Variants in ZNF562 observed in about 807,000 individuals in gnomAD.
The protein encoded by ZNF562 is zinc finger protein 562.
Under a neutral mutation model 17.5 loss-of-function variants are expected in ZNF562, and 13 were observed. The observed-to-expected ratio is 0.74, with a 90% CI of 0.48 to 1.18. The LOEUF (loss-of-function observed/expected upper bound fraction) is 1.18. ZNF562 is among the 50% of genes most tolerant of loss of function. The probability of loss-of-function intolerance (pLI) is 0.00; values close to 1 mark genes in which losing one functional copy is unlikely to be tolerated. For missense variants in ZNF562, 481 were observed against 498.5 expected, an observed-to-expected ratio of 0.96 and a Z score of 0.33; for synonymous variants, 163 against 165.4, an observed-to-expected ratio of 0.99 and a Z score of 0.11.
At chr19:9,670,982 G>A (rs1442391248) in intron 1 of ZNF562, among the ~76,000 whole-genome samples, 8 of 149,322 alleles carry the variant, frequency 5.4e-5, no homozygotes, top group South Asian at 4.3e-4. Context: ...CCTGGGTGAC[G>A]GTGAGACTCC....
chr19:9,666,377 T>C (rs1277285972), intron 1 of ZNF562, among the ~76,000 whole-genome samples: 1 of 151,040 alleles, frequency 6.6e-6, no homozygotes, highest in Non-Finnish European at 1.5e-5. Flanking sequence ...TTTTGGTATG[T>C]TGACAAACCA....
intron 2 of ZNF562, among the ~76,000 whole-genome samples, chr19:9,659,954 A>C (rs1181069459): frequency 1.1e-4 from 13 of 122,966 alleles, no homozygotes; most frequent in Admixed American, 1.7e-4. Flanking sequence ...AAAAAAAAAA[A>C]AAAAAAAAAA....
At position 9,648,435 on chromosome 19, in the gene ZNF562, T is replaced by G. The variant is rs1228066688; in HGVS notation, c.*4514A>C. ...CTCCTGCTTCAGCCTCCCAAGTAGC[T>G]GGGATTACAGGTGCACATCACCACA... On this transcript the variant is annotated 3_prime_UTR_variant, in exon 6 of 6. Coordinates refer to ENST00000453372, the MANE Select transcript of ZNF562 (RefSeq NM_001130031.2). The G allele has an allele frequency of 6.6e-6, 1 of 152,214 alleles. No individual in the cohort carries two copies. The highest frequency in any genetic ancestry group is 1.5e-5 in the Non-Finnish European group (1 of 68,054). The allele number at this position is 152,214 out of a possible 1,614,324, so 9.4% of individuals were successfully genotyped here. A position where few individuals can be genotyped will look rare whatever the true frequency, so the allele number is the denominator to read the frequency against.
intron 1 of ZNF562, among the ~76,000 whole-genome samples, chr19:9,669,461 G>C (rs2044064688): frequency 6.6e-6 from 1 of 152,090 alleles, no homozygotes; most frequent in African/African-American, 2.4e-5. Context: ...AATAACAAAT[G>C]CTGATGAGGA....
At chr19:9,662,244 T>C (rs1452853965) in intron 1 of ZNF562, among the ~76,000 whole-genome samples, 1 of 152,158 alleles carries the variant, frequency 6.6e-6, no homozygotes, top group Non-Finnish European at 1.5e-5. Flanking sequence ...GATAACTTCA[T>C]TGTGTACCTA....
intron 1 of ZNF562, among the ~76,000 whole-genome samples, chr19:9,670,270 G>A (rs767338628): frequency 1.3e-5 from 2 of 151,844 alleles, no homozygotes; most frequent in African/African-American, 2.4e-5. Flanking sequence ...AAAACAGTAT[G>A]GGGGTTTCTC....
In ZNF562 at chr19:9,650,626, C is replaced by T. The variant is rs1225863136; in HGVS notation, c.*2323G>A. 6.6e-6 allele frequency: 1 copy of T among 152,164 alleles called. No homozygotes were observed. The highest frequency in any genetic ancestry group is 1.5e-5 in the Non-Finnish European group (1 of 68,032). The allele number at this position is 152,164 out of a possible 1,614,324, so 9.4% of individuals were successfully genotyped here. A position where few individuals can be genotyped will look rare whatever the true frequency, so the allele number is the denominator to read the frequency against. On this transcript the variant is annotated 3_prime_UTR_variant, in exon 6 of 6. Transcript: ENST00000453372. ...ACCATGCTGGCACTCTGATCTCAGACTTCCAGCCTCCAGATATGTGAGAAT... is the reference window on the plus strand; with the variant it reads ...ACCATGCTGGCACTCTGATCTCAGATTTCCAGCCTCCAGATATGTGAGAAT...
At position 9,652,027 on chromosome 19, in the gene ZNF562, C is replaced by T. The variant is rs60574069; in HGVS notation, c.*922G>A. ...TTGGAAAATTCTCAGCCTATCCATA[C>T]TGCAAAAATTAGAAAACTTGTACTG... On this transcript the variant is annotated 3_prime_UTR_variant, in exon 6 of 6. Coordinates refer to ENST00000453372, the MANE Select transcript of ZNF562 (RefSeq NM_001130031.2). The T allele has an allele frequency of 3.9e-5, 6 of 152,210 alleles. No individual in the cohort carries two copies. Among genetic ancestry groups the T allele is most frequent in the Non-Finnish European group, 5.9e-5 (4 of 68,038 alleles). 9.4% of individuals were successfully genotyped at this position (152,210 alleles called of 1,614,324 possible). A position where few individuals can be genotyped will look rare whatever the true frequency, so the allele number is the denominator to read the frequency against.
Position 9,642,461 on chromosome 19 carries a change from G to A in ZNF562, c.*10488C>T, listed in dbSNP as rs1156596877. 1 of 151,882 alleles carries A rather than the reference G, an allele frequency of 6.6e-6. No individual in the cohort carries two copies. Among genetic ancestry groups the A allele is most frequent in the African/African-American group, 2.4e-5 (1 of 41,342 alleles). 9.4% of individuals were successfully genotyped at this position (151,882 alleles called of 1,614,324 possible). On this transcript the variant is annotated 3_prime_UTR_variant, in exon 6 of 6. Transcript: ENST00000453372. ...CTAATTTTTAAAAATATATTTTGTA[G>A]AGAAGAGATCTCTCTATGTTGCCTA...
At chr19:9,659,978 A>C (rs866655712) in intron 2 of ZNF562, among the ~76,000 whole-genome samples, 3,241 of 110,100 alleles carry the variant, frequency 0.029, 175 homozygotes, top group African/African-American at 0.1. Context: ...AAAAAAAAAA[A>C]CTACAGGAGG....
rs766784614 is a variant in ZNF562 at position 9,652,734 on chromosome 19, A to G, written c.*215T>C. On this transcript the variant is annotated 3_prime_UTR_variant, in exon 6 of 6. Coordinates refer to ENST00000453372, the MANE Select transcript of ZNF562 (RefSeq NM_001130031.2). ...TAATCTGATGATCTTTGCACTGCCA[A>G]TAATTAAAGATGGCAACCAATGGGC... 5.2e-5 allele frequency: 22 copies of G among 424,094 alleles called. No individual in the cohort carries two copies. The highest frequency in any genetic ancestry group is 8.1e-5 in the African/African-American group (4 of 49,334). 26.3% of individuals were successfully genotyped at this position (424,094 alleles called of 1,614,324 possible). A position where few individuals can be genotyped will look rare whatever the true frequency, so the allele number is the denominator to read the frequency against.
chr19:9,656,398 A>T, intron 5 of ZNF562, 149 bp downstream of exon 5: 1 of 727,470 alleles, frequency 1.4e-6, no homozygotes, highest in South Asian at 1.7e-5. Flanking sequence ...AGTCCTAGCT[A>T]CTCGGGAGGC....
At chr19:9,660,536 G>T (rs2043695947) in intron 2 of ZNF562, among the ~76,000 whole-genome samples, 184 bp downstream of exon 2, 1 of 151,886 alleles carries the variant, frequency 6.6e-6, no homozygotes, top group Admixed American at 6.6e-5. Flanking sequence ...AACCCAGGAG[G>T]TGGAGGTTGC....
chr19:9,669,724 G>GCA (rs1255709994), intron 1 of ZNF562, among the ~76,000 whole-genome samples: 105 of 77,976 alleles, frequency 1.3e-3, no homozygotes, highest in East Asian at 8.9e-3. Flanking sequence ...GCGAGCGCGC[G>GCA]CGCGCGCGCG....
rs1279310943 is a variant in ZNF562, at chr19:9,660,586, A to G, written c.25+134T>C. ...ATGCCATTGCACTTCAGCCTGGGCA[A>G]CAAGAGCAAAACTCCATCTAAAAGA... is the stretch of plus-strand genomic sequence containing the variant. On this transcript the variant is annotated intron_variant, in intron 2 of 5. Transcript: ENST00000453372. 26 of 832,456 alleles carry G rather than the reference A, an allele frequency of 3.1e-5. No individual in the cohort carries two copies. In the Admixed American group the frequency reaches 5.2e-4, roughly 17 times the overall value. The allele number at this position is 832,456 out of a possible 1,614,324, so 51.6% of individuals were successfully genotyped here. A position where few individuals can be genotyped will look rare whatever the true frequency, so the allele number is the denominator to read the frequency against.
At chr19:9,672,703 T>C (rs1169807273) in intron 1 of ZNF562, among the ~76,000 whole-genome samples, 1 of 152,142 alleles carries the variant, frequency 6.6e-6, no homozygotes, top group East Asian at 1.9e-4. Context: ...TGGAGGCCTC[T>C]GTTTTGAAGC....
intron 1 of ZNF562, among the ~76,000 whole-genome samples, chr19:9,663,478 C>T (rs969644064): frequency 6.6e-6 from 1 of 151,368 alleles, no homozygotes; most frequent in African/African-American, 2.4e-5. Flanking sequence ...CTCCAGACTG[C>T]ATAAATTTTC....
At position 9,642,370 on chromosome 19, in the gene ZNF562, C is replaced by T. The variant is rs984936105; in HGVS notation, c.*10579G>A. On this transcript the variant is annotated 3_prime_UTR_variant, in exon 6 of 6. Transcript: ENST00000453372. ...TTATCATGGCTCACTGCAGCCTTTA[C>T]TTCCTGGGCTCAAGCAGTCCTTTGC... The T allele has an allele frequency of 6.6e-6, 1 of 151,548 alleles. No homozygotes were observed. Among genetic ancestry groups the T allele is most frequent in the Non-Finnish European group, 1.5e-5 (1 of 67,944 alleles). 9.4% of individuals were successfully genotyped at this position (151,548 alleles called of 1,614,324 possible). A position where few individuals can be genotyped will look rare whatever the true frequency, so the allele number is the denominator to read the frequency against.
At chr19:9,671,109 A>G (rs1223727327) in intron 1 of ZNF562, among the ~76,000 whole-genome samples, 1 of 152,202 alleles carries the variant, frequency 6.6e-6, no homozygotes, top group African/African-American at 2.4e-5. Flanking sequence ...CGCATCTATC[A>G]TACATTTCAA....
Sources: allele counts gnomAD v4.1 joint callset (sites outside exome capture counted in the v4.1 genomes callset), GRCh38; gene constraint gnomAD v4.1.1; transcripts MANE v1.5; gene names NCBI Gene and HGNC (gene_info 2026-07-23, HGNC 2026-07-21).